The following FILIP1L variants were observed in gnomAD, a reference collection of about 807,000 sequenced individuals.
FILIP1L encodes filamin A interacting protein 1 like, also known as filamin A-interacting protein 1-like.
Under a neutral mutation model 96.6 loss-of-function variants are expected in FILIP1L, and 55 were observed. That is an observed-to-expected ratio of 0.57 (90% CI 0.46 to 0.71). The LOEUF (loss-of-function observed/expected upper bound fraction) is 0.71. Among genes scored for constraint, FILIP1L ranks in the 30% least tolerant of loss-of-function variants. The pLI, the probability that FILIP1L is intolerant of heterozygous loss-of-function variation, is 0.00. For missense variants in FILIP1L, 1,304 were observed against 1,321.2 expected (o/e 0.99, Z 0.20); for synonymous variants, 467 against 473.9 (o/e 0.99, Z 0.19).
intron 1 of FILIP1L, among the ~76,000 whole-genome samples, chr3:99,943,376 G>A (rs1261399122): frequency 2.6e-5 from 4 of 152,030 alleles, no homozygotes; most frequent in South Asian, 2.1e-4. Context: ...ATAACTCCGG[G>A]CTTTTATTTT....
intron 4 of FILIP1L, among the ~76,000 whole-genome samples, chr3:99,887,848 ACTC>A (rs1263746324): frequency 6.6e-6 from 1 of 151,098 alleles, no homozygotes; most frequent in Non-Finnish European, 1.5e-5. Flanking sequence ...CATACTCCCT[ACTC>A]CCACCTCAGC....
intron 4 of FILIP1L, among the ~76,000 whole-genome samples, chr3:99,872,771 A>G (rs1281411800): frequency 6.6e-6 from 1 of 152,204 alleles, no homozygotes; most frequent in Non-Finnish European, 1.5e-5. Context: ...AAAGCATCTC[A>G]GAGAACAAGC....
At chr3:99,954,656 T>A (rs1708268200) in intron 1 of FILIP1L, among the ~76,000 whole-genome samples, 1 of 152,008 alleles carries the variant, frequency 6.6e-6, no homozygotes, top group Non-Finnish European at 1.5e-5. Context: ...TGAAACCCCG[T>A]CTCTACTAAA....
intron 5 of FILIP1L, among the ~76,000 whole-genome samples, chr3:99,835,355 T>C (rs930619488): frequency 6.6e-6 from 1 of 152,256 alleles, no homozygotes; most frequent in Non-Finnish European, 1.5e-5. Context: ...ATGTCTTTTG[T>C]TTGAAAAATG....
chr3:100,035,103 G>A (rs1036622771), intron 1 of FILIP1L, among the ~76,000 whole-genome samples: 30 of 151,976 alleles, frequency 2.0e-4, no homozygotes, highest in African/African-American at 4.6e-4. Context: ...ATGTATATTC[G>A]AAATTGTTAT....
intron 1 of FILIP1L, among the ~76,000 whole-genome samples, chr3:100,073,338 A>G (rs1576021669): frequency 6.6e-6 from 1 of 152,208 alleles, no homozygotes; most frequent in East Asian, 1.9e-4. Flanking sequence ...TGAAATATTT[A>G]CTATCAAGTC....
At chr3:100,050,577 G>A (rs2065354503) in intron 1 of FILIP1L, among the ~76,000 whole-genome samples, 1 of 152,054 alleles carries the variant, frequency 6.6e-6, no homozygotes, top group Non-Finnish European at 1.5e-5. Flanking sequence ...TATTGCCCAG[G>A]CTGGAGTGCA....
chr3:99,995,086 C>A (rs768852583), intron 1 of FILIP1L, among the ~76,000 whole-genome samples: 1 of 152,120 alleles, frequency 6.6e-6, no homozygotes, highest in East Asian at 1.9e-4. Flanking sequence ...ACCCAAAACG[C>A]GCAGTCCAAA....
At chr3:100,072,624 A>T (rs2065782012) in intron 1 of FILIP1L, among the ~76,000 whole-genome samples, 1 of 152,238 alleles carries the variant, frequency 6.6e-6, no homozygotes, top group Non-Finnish European at 1.5e-5. Context: ...CAGCTGGTAC[A>T]GTCTTCTTTG....
In FILIP1L at chr3:99,957,693, C is replaced by CTTTTTTTTTTTTTTTTTTTTTTTT. The variant is rs779350496; in HGVS notation, c.-10-26687_-10-26664dup. On this transcript the variant is annotated intron_variant, in intron 1 of 5. Coordinates refer to ENST00000477258, the MANE Select transcript of FILIP1L (RefSeq NM_001387850.1). ...TTCTCCTTTTCTCTTTTCTTTCTTT[C>CTTTTTTTTTTTTTTTTTTTTTTTT]TTTTTTTTTTTTTTTTTTTTTTTTT... is the stretch of plus-strand genomic sequence containing the variant. Among the ~76,000 whole-genome samples, 103 of 19,904 alleles carry CTTTTTTTTTTTTTTTTTTTTTTTT rather than the reference C, an allele frequency of 5.2e-3. 29 individuals carry two copies. The highest frequency in any genetic ancestry group is 6.0e-3 in the African/African-American group (36 of 5,980). The allele number at this position is 19,904 out of a possible 152,430, so 13.1% of individuals were successfully genotyped here.
intron 5 of FILIP1L, among the ~76,000 whole-genome samples, chr3:99,842,954 A>G (rs1184789441): frequency 6.6e-6 from 1 of 152,226 alleles, no homozygotes; most frequent in Admixed American, 6.5e-5. Flanking sequence ...CTGCTCTGAT[A>G]TATTGACTGC....
At chr3:100,004,173 T>C (rs548110461) in intron 1 of FILIP1L, among the ~76,000 whole-genome samples, 3 of 151,974 alleles carry the variant, frequency 2.0e-5, no homozygotes, top group South Asian at 2.1e-4. Context: ...AAATTGAGGG[T>C]TTTTTCCCCC....
rs1478465652 is a variant in FILIP1L at position 99,829,617 on chromosome 3, C to T, written c.*797G>A. Among the ~76,000 whole-genome samples, 1 of 151,282 alleles carries T rather than the reference C, an allele frequency of 6.6e-6. No homozygotes were observed. Among genetic ancestry groups the T allele is most frequent in the Non-Finnish European group, 1.5e-5 (1 of 68,048 alleles). On this transcript the variant is annotated 3_prime_UTR_variant, in exon 6 of 6. Coordinates refer to ENST00000477258, the MANE Select transcript of FILIP1L (RefSeq NM_001387850.1). ...AATCTAGGATTGGAATTTGAGTCTC[C>T]TAACCCCAAGCTTTTGTTGAATCAA...
intron 1 of FILIP1L, among the ~76,000 whole-genome samples, chr3:100,010,778 A>ATTTTTTTTTTTTTTTTTTTT (rs11371196): frequency 2.1e-5 from 2 of 93,680 alleles, no homozygotes; most frequent in African/African-American, 4.4e-5. Flanking sequence ...CCACGCCCGG[A>ATTTTTTTTTTTTTTTTTTTT]TTTTTTTTTT....
intron 1 of FILIP1L, among the ~76,000 whole-genome samples, chr3:100,069,005 C>A (rs565934549): frequency 6.6e-6 from 1 of 152,296 alleles, no homozygotes; most frequent in South Asian, 2.1e-4. Context: ...GCTCCACAAA[C>A]CCAGATAGAA....
chr3:100,018,612 C>CA lies in FILIP1L; in HGVS notation c.-10-87583dup, dbSNP rs913919974. Among the ~76,000 whole-genome samples the CA allele has an allele frequency of 4.1e-4, 60 of 146,024 alleles. No homozygotes were observed. In the East Asian group the frequency reaches 5.2e-3, roughly 13 times the overall value. ...AAATCATAAAATTGCTAGTAGAAAA[C>CA]AAAAAAAAATGCTTCTTGACATGAG... On this transcript the variant is annotated intron_variant, in intron 1 of 5. Transcript: ENST00000477258.
At chr3:100,089,996 C>G (rs929395151) in intron 1 of FILIP1L, among the ~76,000 whole-genome samples, 4 of 152,172 alleles carry the variant, frequency 2.6e-5, no homozygotes, top group Admixed American at 1.3e-4. Flanking sequence ...CCTACTCCCC[C>G]GCAACTGCAA....
At chr3:100,040,968 C>T (rs1158676570) in intron 1 of FILIP1L, 1 of 152,132 alleles carries the variant, frequency 6.6e-6, no homozygotes, top group Non-Finnish European at 1.5e-5. Context: ...TCATGTATTC[C>T]ACTATGAATT....
chr3:99,886,193 A>G (rs1464738781), intron 4 of FILIP1L, among the ~76,000 whole-genome samples: 1 of 152,036 alleles, frequency 6.6e-6, no homozygotes, highest in Non-Finnish European at 1.5e-5. Context: ...TTCAGCAACT[A>G]TTTGTTGAAT....
Sources: gnomAD v4.1 joint callset for allele counts (sites outside exome capture counted in the v4.1 genomes callset) on GRCh38, gnomAD v4.1.1 for gene constraint, MANE v1.5 for transcripts, NCBI Gene and HGNC (gene_info 2026-07-23, HGNC 2026-07-21) for gene names.